The following FOXK2 variants were observed in gnomAD, a reference collection of about 807,000 sequenced individuals.
The protein encoded by FOXK2 is forkhead box K2, also known as forkhead box protein K2.
FOXK2 carries 24 observed loss-of-function variants against 53.3 expected under a neutral mutation model. The ratio of observed to expected loss-of-function variants is 0.45; its 90% CI spans 0.33 to 0.63. The LOEUF is 0.63. Among genes scored for constraint, FOXK2 ranks in the 30% least tolerant of loss-of-function variants. The probability of loss-of-function intolerance (pLI) is 0.03; values close to 1 mark genes in which losing one functional copy is unlikely to be tolerated. For synonymous variants in FOXK2, 505 were observed against 407.1 expected, an observed-to-expected ratio of 1.24 and a Z score of -2.89; for missense variants, 952 against 910.5, an observed-to-expected ratio of 1.05 and a Z score of -0.59.
chr17:82,536,818 A>C (rs2044525131), intron 1 of FOXK2, among the ~76,000 whole-genome samples: 1 of 152,246 alleles, frequency 6.6e-6, no homozygotes, highest in African/African-American at 2.4e-5. Context: ...CGCCTTAGGC[A>C]GTCTGTTGTA....
At chr17:82,535,170 G>A (rs1249935014) in intron 1 of FOXK2, among the ~76,000 whole-genome samples, 3 of 152,142 alleles carry the variant, frequency 2.0e-5, no homozygotes, top group South Asian at 2.1e-4. Flanking sequence ...GTAAGCCACC[G>A]TGCCCGGCCT....
chr17:82,576,818 C>G (rs900507056), intron 4 of FOXK2: 4 of 570,546 alleles, frequency 7.0e-6, no homozygotes, highest in African/African-American at 1.9e-5. Context: ...CATGTTGAAT[C>G]CAGAAATCCG....
chr17:82,551,005 G>A (rs1473221979), intron 1 of FOXK2, among the ~76,000 whole-genome samples: 1 of 152,156 alleles, frequency 6.6e-6, no homozygotes, highest in Non-Finnish European at 1.5e-5. Flanking sequence ...TTTAAGCTTC[G>A]GAGGCTTAGG....
At chr17:82,592,809 G>T (rs934794597) in intron 8 of FOXK2, among the ~76,000 whole-genome samples, 1 of 152,196 alleles carries the variant, frequency 6.6e-6, no homozygotes, top group African/African-American at 2.4e-5. Context: ...CCCAGTTCGC[G>T]CTGGCAGAGG....
chr17:82,557,769 C>G (rs939912880), intron 1 of FOXK2, among the ~76,000 whole-genome samples: 1 of 152,136 alleles, frequency 6.6e-6, no homozygotes, highest in Non-Finnish European at 1.5e-5. Context: ...CTGCCTCAGC[C>G]TCTGAGTCAC....
At chr17:82,560,164 C>T (rs1447558703) in intron 1 of FOXK2, among the ~76,000 whole-genome samples, 5 of 151,786 alleles carry the variant, frequency 3.3e-5, no homozygotes, top group Non-Finnish European at 7.4e-5. Flanking sequence ...TGCCACCATG[C>T]CTGGCTTATT....
rs1253145558 is a variant in FOXK2 at position 82,588,916 on chromosome 17, G to A, written c.1786+1644G>A. On this transcript the variant is annotated intron_variant, in intron 8 of 8. Coordinates refer to ENST00000335255, the MANE Select transcript of FOXK2 (RefSeq NM_004514.4). ...AAAAAAAAAAAAAAACAAATTAGCC[G>A]GGTCTGGTGGCGGGTGCCTGTAGTT... 8.0e-5 allele frequency among the ~76,000 whole-genome samples: 12 copies of A among 150,194 alleles called. 1 individual carries two copies. In the East Asian group the frequency reaches 1.8e-3, roughly 22 times the overall value.
At chr17:82,525,651 T>G (rs539320997) in intron 1 of FOXK2, among the ~76,000 whole-genome samples, 2 of 152,342 alleles carry the variant, frequency 1.3e-5, no homozygotes, top group East Asian at 3.9e-4. Context: ...CTTTAACAGT[T>G]GTTTATACTT....
In FOXK2 at chr17:82,601,323, A is replaced by G. The variant is rs201560910; in HGVS notation, c.1807A>G (p.Met603Val). The G allele has an allele frequency of 2.5e-6, 4 of 1,612,834 alleles. No individual in the cohort carries two copies. The highest frequency in any genetic ancestry group is 3.3e-5 in the Admixed American group (2 of 60,016). ...TTCAGCCGCGGCGAGTCCTTTGCAC[A>G]TGTTGGCAACACACGCATCCGCATC... is the stretch of plus-strand genomic sequence containing the variant. The part of the protein sequence containing the change: ...VNNAAASPLH[M>V]LATHASASAS... Residue 603 changes from methionine to valine, a missense_variant, in exon 9 of 9, where the codon ATG (methionine) becomes GTG (valine). This residue lies in a region of FOXK2 where 551 missense variants were observed against 385.1 expected (regional missense o/e 1.43). Transcript: ENST00000335255.
At chr17:82,567,926 CTTTTTTTTT>C (rs3065019) in intron 2 of FOXK2, 119 bp from the exon 3 acceptor site, 25,102 of 423,320 alleles carry the variant, frequency 0.059, 499 homozygotes, top group Middle Eastern at 0.11. Context: ...TATTCTCTTC[CTTTTTTTTT>C]TTTTTTTTTT....
chr17:82,586,184 C>T lies in FOXK2; in HGVS notation c.1560C>T (p.Asp520=), dbSNP rs771532318. The change falls in exon 7 of 9, where the codon GAC becomes GAT. Residue 520 remains aspartate (D), a synonymous_variant. Transcript: ENST00000335255. ...PPKAEAQENG[D]HREVKVKVEP... Reference sequence around the variant, plus strand: ...AGGCAGAGGCCCAGGAGAATGGAGACCACAGGGAAGTCAAAGGTAGGCGGA... The same window carrying T: ...AGGCAGAGGCCCAGGAGAATGGAGATCACAGGGAAGTCAAAGGTAGGCGGA... 98 of 1,593,024 alleles carry T rather than the reference C, an allele frequency of 6.2e-5. 1 individual carries two copies. The highest frequency in any genetic ancestry group is 3.4e-4 in the Middle Eastern group (2 of 5,930).
At chr17:82,549,936 C>T (rs1290013884) in intron 1 of FOXK2, among the ~76,000 whole-genome samples, 1 of 152,198 alleles carries the variant, frequency 6.6e-6, no homozygotes, top group Non-Finnish European at 1.5e-5. Context: ...GGCCCAGTGG[C>T]TCATGCCTGT....
Position 82,520,046 on chromosome 17 carries a change from C to A in FOXK2, c.158C>A (p.Ser53Ter). The A allele has an allele frequency of 6.6e-7, 1 of 1,525,522 alleles. No individual in the cohort carries two copies. The highest frequency in any genetic ancestry group is 1.9e-5 in the Admixed American group (1 of 52,308). The allele number at this position is 1,525,522 out of a possible 1,614,324, so 94.5% of individuals were successfully genotyped here. The change falls in exon 1 of 9, where the codon TCG becomes TAG. Residue 53 changes from serine (S) to a stop codon, truncating the protein, a stop_gained. Coordinates refer to ENST00000335255, the MANE Select transcript of FOXK2 (RefSeq NM_004514.4). LOFTEE classifies it high-confidence loss of function. ...TTCGAGTATCTGATGAAGAAGCGCT[C>A]GGTGACCATCGGCCGCAACTCGTCG... ...REFEYLMKKRSVTIGRNSSQG... is the reference protein window; with the variant it reads ...REFEYLMKKR
At chr17:82,521,232 G>A (rs2044358573) in intron 1 of FOXK2, among the ~76,000 whole-genome samples, 1 of 152,120 alleles carries the variant, frequency 6.6e-6, no homozygotes, top group South Asian at 2.1e-4. Context: ...GAGTGTAGTG[G>A]CGCGATCTTG....
intron 4 of FOXK2, among the ~76,000 whole-genome samples, chr17:82,575,532 AT>A: frequency 6.6e-6 from 1 of 152,348 alleles, no homozygotes; most frequent in South Asian, 2.1e-4. Context: ...TAGCCTGAGT[AT>A]TCATCTATAA....
In FOXK2 at chr17:82,586,356, A is replaced by T. The variant is rs35005400; in HGVS notation, c.1576+156A>T. 0.032 allele frequency among the ~76,000 whole-genome samples: 176 copies of T among 5,426 alleles called. 8 individuals carry two copies. The highest frequency in any genetic ancestry group is 0.063 in the African/African-American group (84 of 1,336). 3.6% of individuals were successfully genotyped at this position (5,426 alleles called of 152,430 possible). A position where few individuals can be genotyped will look rare whatever the true frequency, so the allele number is the denominator to read the frequency against. ...CCACAGGGAGGTCAAAGGTAGGCGGAGGGGAAAGGAGGAGAGGGGAGACCA... is the reference window on the plus strand; with the variant it reads ...CCACAGGGAGGTCAAAGGTAGGCGGTGGGGAAAGGAGGAGAGGGGAGACCA... On this transcript the variant is annotated intron_variant, in intron 7 of 8. Coordinates refer to ENST00000335255, the MANE Select transcript of FOXK2 (RefSeq NM_004514.4).
intron 1 of FOXK2, among the ~76,000 whole-genome samples, chr17:82,537,253 C>G (rs932990674): frequency 6.6e-6 from 1 of 152,082 alleles, no homozygotes; most frequent in Non-Finnish European, 1.5e-5. Context: ...TGCTTATAGT[C>G]TTTCTTAAAT....
intron 1 of FOXK2, among the ~76,000 whole-genome samples, chr17:82,540,340 T>C (rs2044562585): frequency 6.6e-6 from 1 of 152,106 alleles, no homozygotes; most frequent in Admixed American, 6.6e-5. Context: ...ATTTGGAGAA[T>C]TGGAGGTAAG....
intron 1 of FOXK2, among the ~76,000 whole-genome samples, chr17:82,562,953 GC>G (rs1464427645): frequency 1.3e-5 from 2 of 151,932 alleles, no homozygotes; most frequent in African/African-American, 4.8e-5. Flanking sequence ...CCACAGGCAT[GC>G]ACCACCACGC....
Sources: gnomAD v4.1 joint callset for allele counts (sites outside exome capture counted in the v4.1 genomes callset) on GRCh38, gnomAD v4.1.1 for gene constraint, gnomAD v4.1.1 regional missense constraint, MANE v1.5 for transcripts, NCBI Gene and HGNC (gene_info 2026-07-23, HGNC 2026-07-21) for gene names.